KIAA1328: variants seen among roughly 807,000 people sequenced by gnomAD.
KIAA1328 encodes KIAA1328, also known as protein hinderin.
A neutral mutation model predicts 68.1 loss-of-function variants in KIAA1328; 52 were observed. The ratio of observed to expected loss-of-function variants is 0.76; its 90% confidence interval spans 0.61 to 0.96. The LOEUF is 0.96. Among genes scored for constraint, KIAA1328 ranks in the 40% least tolerant of loss-of-function variants. KIAA1328 has a pLI of 0.00. For synonymous variants in KIAA1328, 232 were observed against 239.4 expected (o/e 0.97, Z 0.28); for missense variants, 641 against 677.6 (o/e 0.95, Z 0.60).
intron 5 of KIAA1328, among the ~76,000 whole-genome samples, chr18:36,920,509 G>T (rs1335944662): frequency 6.6e-6 from 1 of 151,908 alleles, no homozygotes; most frequent in Non-Finnish European, 1.5e-5. Context: ...TGCTCTTTTT[G>T]CTTAGGATTG....
chr18:37,041,852 T>G (rs1268240834), intron 6 of KIAA1328, among the ~76,000 whole-genome samples: 1 of 152,168 alleles, frequency 6.6e-6, no homozygotes, highest in Non-Finnish European at 1.5e-5. Flanking sequence ...CTCCTCTATT[T>G]GCTGTGCTGT....
intron 5 of KIAA1328, among the ~76,000 whole-genome samples, chr18:36,925,737 G>A (rs897736859): frequency 1.3e-5 from 2 of 151,806 alleles, no homozygotes; most frequent in African/African-American, 2.4e-5. Flanking sequence ...TGGGGTCTCC[G>A]TCTTTTGCCC....
intron 7 of KIAA1328, among the ~76,000 whole-genome samples, chr18:37,130,354 TCACGCCTGTAATCCCAG>T (rs1352252533): frequency 6.6e-6 from 1 of 152,194 alleles, no homozygotes; most frequent in Non-Finnish European, 1.5e-5. Context: ...GCACGGTGGC[TCACGCCTGTAATCCCAG>T]CACTTTGGGA....
chr18:37,032,378 A>T (rs1440368718), intron 6 of KIAA1328, among the ~76,000 whole-genome samples: 3 of 152,038 alleles, frequency 2.0e-5, no homozygotes, highest in African/African-American at 7.3e-5. Context: ...AGATATGAAA[A>T]ATATTGCTTG....
chr18:36,897,680 C>T (rs2048908420), intron 5 of KIAA1328, among the ~76,000 whole-genome samples: 1 of 151,852 alleles, frequency 6.6e-6, no homozygotes. Flanking sequence ...TATAATATTC[C>T]CAAGGCATCA....
chr18:36,975,462 G>A (rs564080832), intron 6 of KIAA1328, among the ~76,000 whole-genome samples: 3 of 152,222 alleles, frequency 2.0e-5, no homozygotes, highest in East Asian at 1.9e-4. Context: ...GATTACAGGC[G>A]TGAGCCACCG....
chr18:37,203,067 T>A (rs2060144192), intron 9 of KIAA1328, among the ~76,000 whole-genome samples: 1 of 151,628 alleles, frequency 6.6e-6, no homozygotes, highest in African/African-American at 2.4e-5. Context: ...TTTTTTTTTT[T>A]TAAAGTTTAC....
In KIAA1328 at chr18:37,066,987, A is replaced by G. The variant is rs772645725; in HGVS notation, c.674A>G (p.Gln225Arg). The change falls in exon 7 of 10, where the codon CAA becomes CGA. Residue 225 changes from glutamine to arginine, a missense_variant. Physicochemically the swap from Gln to Arg is conservative, Grantham distance 43. Coordinates refer to ENST00000280020, the MANE Select transcript of KIAA1328 (RefSeq NM_020776.3). ...ARPQTYYQTKQRPKSAVQDSA... is the reference protein window; with the variant it reads ...ARPQTYYQTKRRPKSAVQDSA... ...CCACAGACCTACTATCAAACCAAGC[A>G]AAGACCTAAGTCTGCAGTCCAGGAT... 16 of 1,613,646 alleles carry G rather than the reference A, an allele frequency of 9.9e-6. No individual in the cohort carries two copies. The highest frequency in any genetic ancestry group is 1.3e-5 in the Non-Finnish European group (15 of 1,179,798).
At chr18:37,134,485 C>A (rs1225568987) in intron 7 of KIAA1328, among the ~76,000 whole-genome samples, 1 of 151,898 alleles carries the variant, frequency 6.6e-6, no homozygotes, top group African/African-American at 2.4e-5. Context: ...ACAAAAAAAA[C>A]TTAGAAAAAT....
intron 9 of KIAA1328, among the ~76,000 whole-genome samples, chr18:37,210,487 A>G (rs1260283217): frequency 1.3e-5 from 2 of 152,214 alleles, no homozygotes; most frequent in East Asian, 1.9e-4. Flanking sequence ...GAGGTAAGAC[A>G]GGCCAATATA....
intron 6 of KIAA1328, among the ~76,000 whole-genome samples, chr18:37,021,367 T>C (rs2054339996): frequency 6.6e-6 from 1 of 152,238 alleles, no homozygotes; most frequent in Non-Finnish European, 1.5e-5. Flanking sequence ...ATTATTCTGT[T>C]CGATATTATG....
At chr18:36,942,502 TTTC>T (rs1316163098) in intron 5 of KIAA1328, among the ~76,000 whole-genome samples, 1 of 152,180 alleles carries the variant, frequency 6.6e-6, no homozygotes, top group African/African-American at 2.4e-5. Flanking sequence ...GACGAGTGCT[TTTC>T]TTAGTTTTGC....
intron 5 of KIAA1328, among the ~76,000 whole-genome samples, chr18:36,916,237 G>T: frequency 6.6e-6 from 1 of 151,672 alleles, no homozygotes; most frequent in African/African-American, 2.4e-5. Context: ...TAATATTGTT[G>T]CAAAATTCAT....
intron 6 of KIAA1328, among the ~76,000 whole-genome samples, chr18:36,969,939 C>T (rs1184069540): frequency 6.6e-6 from 1 of 152,168 alleles, no homozygotes; most frequent in Non-Finnish European, 1.5e-5. Context: ...AAGAGGGACT[C>T]CTCCCTAACT....
At chr18:36,962,333 G>T (rs1435660469) in intron 6 of KIAA1328, among the ~76,000 whole-genome samples, 2 of 152,156 alleles carry the variant, frequency 1.3e-5, no homozygotes, top group Non-Finnish European at 2.9e-5. Context: ...AGTCCTTAAA[G>T]ACCTACAAAG....
intron 6 of KIAA1328, among the ~76,000 whole-genome samples, chr18:36,973,020 A>T (rs2052294874): frequency 1.3e-5 from 2 of 152,194 alleles, no homozygotes; most frequent in African/African-American, 4.8e-5. Context: ...TGTAGAATGG[A>T]TTATTTTTAT....
At chr18:37,069,260 GTTT>G (rs35780871) in intron 7 of KIAA1328, among the ~76,000 whole-genome samples, 1 of 133,640 alleles carries the variant, frequency 7.5e-6, no homozygotes. Context: ...ATTTGCATCA[GTTT>G]TTTTTTTTTT....
intron 7 of KIAA1328, among the ~76,000 whole-genome samples, chr18:37,125,894 G>A (rs1161821668): frequency 9.2e-5 from 14 of 152,136 alleles, no homozygotes; most frequent in Admixed American, 9.2e-4. Context: ...TTGCTACTGT[G>A]CTGCTTAGTT....
At chr18:37,114,749 C>G (rs1051223808) in intron 7 of KIAA1328, among the ~76,000 whole-genome samples, 1 of 151,494 alleles carries the variant, frequency 6.6e-6, no homozygotes, top group South Asian at 2.1e-4. Flanking sequence ...ATCAACAAAA[C>G]AAAATTGATA....
Sources: allele counts gnomAD v4.1 joint callset (sites outside exome capture counted in the v4.1 genomes callset), GRCh38; gene constraint gnomAD v4.1.1; transcripts MANE v1.5; gene names NCBI Gene and HGNC (gene_info 2026-07-23, HGNC 2026-07-21).